CNTLN: variants seen among roughly 807,000 people sequenced by gnomAD.
CNTLN encodes centlein, centrosomal protein.
In CNTLN, 212 loss-of-function variants were observed where a neutral mutation model predicts 180.0. The ratio of observed to expected loss-of-function variants is 1.18; its 90% CI spans 1.05 to 1.32. CNTLN has a LOEUF of 1.32. Among genes scored for constraint, CNTLN ranks in the 40% most tolerant of loss-of-function variants. CNTLN has a pLI of 0.00. For synonymous variants in CNTLN, 722 were observed against 563.1 expected (o/e 1.28, Z -3.99); for missense variants, 2,095 against 1,610.9 (o/e 1.30, Z -5.14).
intron 18 of CNTLN, among the ~76,000 whole-genome samples, chr9:17,423,803 G>A (rs2133939049): frequency 6.6e-6 from 1 of 152,212 alleles, no homozygotes; most frequent in African/African-American, 2.4e-5. Flanking sequence ...CTTGTGTTGT[G>A]TTCCGCTGTG....
At chr9:17,401,023 C>T (rs1021796933) in intron 15 of CNTLN, among the ~76,000 whole-genome samples, 2 of 152,086 alleles carry the variant, frequency 1.3e-5, no homozygotes, top group Non-Finnish European at 1.5e-5. Context: ...TTCATTTGAT[C>T]CTCATTGAAG....
intron 2 of CNTLN, among the ~76,000 whole-genome samples, chr9:17,209,456 A>G (rs567664710): frequency 4.6e-5 from 7 of 152,310 alleles, no homozygotes; most frequent in African/African-American, 1.7e-4. Flanking sequence ...AGTGCAGATG[A>G]AGTCCAGTGT....
At chr9:17,241,346 G>T (rs1825481400) in intron 5 of CNTLN, among the ~76,000 whole-genome samples, 1 of 152,156 alleles carries the variant, frequency 6.6e-6, no homozygotes, top group South Asian at 2.1e-4. Context: ...TGGCACTTTT[G>T]TTAACAGTGA....
At chr9:17,420,452 T>C (rs1828627352) in intron 18 of CNTLN, among the ~76,000 whole-genome samples, 1 of 152,202 alleles carries the variant, frequency 6.6e-6, no homozygotes, top group Non-Finnish European at 1.5e-5. Flanking sequence ...TCTCTTTTTC[T>C]TGGTCTGGTT....
At chr9:17,236,141 G>A (rs1825127583) in intron 4 of CNTLN, among the ~76,000 whole-genome samples, 2 of 152,096 alleles carry the variant, frequency 1.3e-5, no homozygotes, top group Non-Finnish European at 2.9e-5. Context: ...AATAGCTGGG[G>A]ACAGCATCAA....
rs1023339709 is a variant in CNTLN at position 17,334,621 on chromosome 9, C to G, written c.1644+1891C>G. 2.6e-5 allele frequency among the ~76,000 whole-genome samples: 4 copies of G among 152,142 alleles called. No homozygotes were observed. In the East Asian group the frequency reaches 7.7e-4, roughly 29 times the overall value. On this transcript the variant is annotated intron_variant, in intron 10 of 25. Transcript: ENST00000380647. ...AATGAAATCCTGTCCTTTGCAGCAA[C>G]ATGAGTGCAGCTGGAGGTCATTGTC...
intron 5 of CNTLN, among the ~76,000 whole-genome samples, chr9:17,245,173 ATGT>A (rs1825725867): frequency 6.6e-6 from 1 of 151,988 alleles, no homozygotes; most frequent in Admixed American, 6.6e-5. Context: ...TTGCTTATTA[ATGT>A]TGTTTTTTAT....
At chr9:17,507,813 T>C (rs1833959421), downstream of CNTLN, among the ~76,000 whole-genome samples, 1 of 152,128 alleles carries the variant, frequency 6.6e-6, no homozygotes, top group South Asian at 2.1e-4. Flanking sequence ...CATAGTCCAA[T>C]CCTCAGTTTC....
intron 12 of CNTLN, among the ~76,000 whole-genome samples, chr9:17,359,725 C>CAAAAAAAAAAAAAAAAAAAAA (rs1176814681): frequency 2.3e-4 from 5 of 21,338 alleles, no homozygotes; most frequent in South Asian, 2.0e-3. Flanking sequence ...ACTAAAAATA[C>CAAAAAAAAAAAAAAAAAAAAA]AAAAAAAAAA....
intron 6 of CNTLN, 68 bp from the exon 7 acceptor site, chr9:17,298,122 G>T: frequency 7.7e-7 from 1 of 1,304,324 alleles, no homozygotes; most frequent in South Asian, 2.7e-5. Context: ...AACCTTAGAT[G>T]AACACAATTA....
At chr9:17,417,826 T>C (rs1828381403) in intron 18 of CNTLN, among the ~76,000 whole-genome samples, 1 of 152,048 alleles carries the variant, frequency 6.6e-6, no homozygotes. Flanking sequence ...TTCTAATTTT[T>C]GAGGTGCCAT....
intron 18 of CNTLN, among the ~76,000 whole-genome samples, chr9:17,424,445 C>G (rs1828944535): frequency 6.6e-6 from 1 of 152,082 alleles, no homozygotes; most frequent in South Asian, 2.1e-4. Context: ...ATACCTCTTT[C>G]TAGTAACATA....
intron 2 of CNTLN, among the ~76,000 whole-genome samples, chr9:17,176,335 G>T (rs1254923981): frequency 1.3e-5 from 2 of 151,640 alleles, no homozygotes; most frequent in Non-Finnish European, 2.9e-5. Context: ...TGCTTGTACT[G>T]CATCACTTGA....
At position 17,253,848 on chromosome 9, in the gene CNTLN, T is replaced by C. The variant is rs2132295882; in HGVS notation, c.849+17260T>C. Among the ~76,000 whole-genome samples the C allele has an allele frequency of 1.3e-5, 2 of 151,532 alleles. 1 individual carries two copies. Among genetic ancestry groups the C allele is most frequent in the Middle Eastern group, 6.8e-3 (2 of 294 alleles). On this transcript the variant is annotated intron_variant, in intron 5 of 25. Transcript: ENST00000380647. ...AGTGGTAAAACTGGGCATTCTTGTC[T>C]AGTTTAAATTATTATAGGAAAGGTC...
At chr9:17,234,828 T>C (rs1463510319) in intron 3 of CNTLN, among the ~76,000 whole-genome samples, 1 of 152,194 alleles carries the variant, frequency 6.6e-6, no homozygotes, top group Non-Finnish European at 1.5e-5. Context: ...GATGGATTGA[T>C]AAAAGTTGAA....
At chr9:17,330,298 G>T (rs1007985289) in intron 8 of CNTLN, among the ~76,000 whole-genome samples, 1 of 151,954 alleles carries the variant, frequency 6.6e-6, no homozygotes, top group Middle Eastern at 3.2e-3. Flanking sequence ...GTTTTGTGAG[G>T]CAATACATAT....
In CNTLN at chr9:17,480,590, C is replaced by T. The variant is rs1414362525; in HGVS notation, c.3856-3705C>T. On this transcript the variant is annotated intron_variant, in intron 23 of 25. Coordinates refer to ENST00000380647, the MANE Select transcript of CNTLN (RefSeq NM_017738.4). ...ACTTTGTTTTCAAAGCCATGTGGAA[C>T]ATTCACAGAAACTACTGACATCTTA... Among the ~76,000 whole-genome samples, 3 of 152,132 alleles carry T rather than the reference C, an allele frequency of 2.0e-5. No homozygotes were observed. The East Asian group carries it at 5.8e-4, about 29-fold the overall frequency.
the CNTLN span, among the ~76,000 whole-genome samples, chr9:17,519,692 G>T: frequency 6.6e-6 from 1 of 152,056 alleles, no homozygotes; most frequent in African/African-American, 2.4e-5. Context: ...TGTGTTTATT[G>T]GATTTGAGTG....
chr9:17,428,417 AT>A (rs1325597150), intron 18 of CNTLN, among the ~76,000 whole-genome samples: 3 of 152,230 alleles, frequency 2.0e-5, no homozygotes, highest in East Asian at 3.9e-4. Flanking sequence ...ATTAGATACT[AT>A]TTTTATCTCC....
Sources: gnomAD v4.1 joint callset for allele counts (sites outside exome capture counted in the v4.1 genomes callset) on GRCh38, gnomAD v4.1.1 for gene constraint, MANE v1.5 for transcripts, NCBI Gene and HGNC (gene_info 2026-07-23, HGNC 2026-07-21) for gene names.